The following IL1RAPL2 variants were observed in gnomAD, a reference collection of about 807,000 sequenced individuals.
IL1RAPL2 encodes interleukin 1 receptor accessory protein like 2, also known as X-linked interleukin-1 receptor accessory protein-like 2.
IL1RAPL2 carries 3 observed loss-of-function variants against 44.1 expected under a neutral mutation model. That is an observed-to-expected ratio of 0.07 (90% confidence interval 0.03 to 0.18). IL1RAPL2 has a LOEUF of 0.18. Ranked by LOEUF, IL1RAPL2 falls within the 10% of genes least tolerant of loss-of-function variation. The pLI, the probability that IL1RAPL2 is intolerant of heterozygous loss-of-function variation, is 1.00. For missense variants in IL1RAPL2, 391 were observed against 496.4 expected (o/e 0.79, Z 2.02); for synonymous variants, 181 against 178.8 (o/e 1.01, Z -0.10).
chrX:105,133,294 T>C (rs1219785326), intron 2 of IL1RAPL2, among the ~76,000 whole-genome samples: 4 of 112,178 alleles, frequency 3.6e-5, no homozygotes, highest in Non-Finnish European at 7.5e-5. Flanking sequence ...CTATGGTTGA[T>C]AGCACCTTAG....
At chrX:105,027,914 T>G (rs2031403407) in intron 2 of IL1RAPL2, among the ~76,000 whole-genome samples, 1 of 111,690 alleles carries the variant, frequency 9.0e-6, no homozygotes, top group Non-Finnish European at 1.9e-5. Context: ...ATAGCTAAGA[T>G]TTGGAAACAA....
At chrX:105,648,245 C>G (rs910259165) in intron 6 of IL1RAPL2, among the ~76,000 whole-genome samples, 4 of 111,190 alleles carry the variant, frequency 3.6e-5, no homozygotes, top group Non-Finnish European at 7.5e-5. Flanking sequence ...AAAAGGGAAT[C>G]AGGAATTTTT....
intron 5 of IL1RAPL2, among the ~76,000 whole-genome samples, chrX:105,410,834 A>G (rs745939664): frequency 1.8e-5 from 2 of 111,672 alleles, no homozygotes; most frequent in African/African-American, 6.5e-5. Flanking sequence ...GTGAAAGTAT[A>G]AAACCCATCA....
In IL1RAPL2 at chrX:104,610,003, G is replaced by C. The variant is rs947303788; in HGVS notation, c.-20+42952G>C. Among the ~76,000 whole-genome samples, 22 of 112,089 alleles carry C rather than the reference G, an allele frequency of 2.0e-4. No homozygotes were observed. In the Admixed American group the frequency reaches 2.0e-3, roughly 10 times the overall value. On this transcript the variant is annotated intron_variant, in intron 1 of 10. Coordinates refer to ENST00000372582, the MANE Select transcript of IL1RAPL2 (RefSeq NM_017416.2). ...CTTTGTGGATTTATCTACCTTTGGT[G>C]TTTGATGTTGGTGACCTACGGATGG... is the stretch of plus-strand genomic sequence containing the variant.
intron 2 of IL1RAPL2, among the ~76,000 whole-genome samples, chrX:105,005,186 C>T (rs1356800794): frequency 1.8e-5 from 2 of 111,302 alleles, no homozygotes; most frequent in Non-Finnish European, 3.8e-5. Context: ...AATATTGACT[C>T]TCCAACTAGA....
intron 6 of IL1RAPL2, among the ~76,000 whole-genome samples, chrX:105,583,887 C>G (rs748535985): frequency 8.9e-6 from 1 of 111,991 alleles, no homozygotes; most frequent in South Asian, 3.7e-4. Context: ...AAATTTCACT[C>G]TAAGTACTGC....
At chrX:105,184,784 G>A (rs1308865452) in intron 2 of IL1RAPL2, among the ~76,000 whole-genome samples, 2 of 109,515 alleles carry the variant, frequency 1.8e-5, no homozygotes, top group Non-Finnish European at 3.8e-5. Context: ...ACCTAAATTT[G>A]AAAAAAAATG....
chrX:104,659,298 A>G (rs1281338729), intron 2 of IL1RAPL2, among the ~76,000 whole-genome samples: 1 of 111,983 alleles, frequency 8.9e-6, no homozygotes, highest in Non-Finnish European at 1.9e-5. Flanking sequence ...AAACATTTAC[A>G]AATGAGAAGG....
At chrX:104,821,224 AT>A (rs751662054) in intron 2 of IL1RAPL2, among the ~76,000 whole-genome samples, 2 of 111,277 alleles carry the variant, frequency 1.8e-5, no homozygotes, top group East Asian at 5.6e-4. Flanking sequence ...ATTTTTGTCT[AT>A]TTGCTTGTAA....
At chrX:105,037,875 C>G (rs2031656314) in intron 2 of IL1RAPL2, among the ~76,000 whole-genome samples, 1 of 111,678 alleles carries the variant, frequency 9.0e-6, no homozygotes, top group Admixed American at 9.6e-5. Context: ...CATTTCCACA[C>G]CTCTAACTGA....
intron 2 of IL1RAPL2, among the ~76,000 whole-genome samples, chrX:104,921,555 A>G (rs1269404974): frequency 8.9e-6 from 1 of 112,339 alleles, no homozygotes; most frequent in Non-Finnish European, 1.9e-5. Flanking sequence ...GGGCCAGTGA[A>G]CAAATCCGCT....
chrX:105,305,323 C>G (rs909082942), intron 5 of IL1RAPL2, among the ~76,000 whole-genome samples: 2 of 110,729 alleles, frequency 1.8e-5, no homozygotes, highest in African/African-American at 6.7e-5. Context: ...GAGGATAGAT[C>G]TCATCTTAGG....
chrX:105,077,333 G>T (rs2032323434), intron 2 of IL1RAPL2, among the ~76,000 whole-genome samples: 1 of 111,528 alleles, frequency 9.0e-6, no homozygotes, highest in South Asian at 3.7e-4. Context: ...GACATTCTGG[G>T]TTGAAAATTC....
In IL1RAPL2 at chrX:105,075,910, G is replaced by A. The variant is rs192679974; in HGVS notation, c.83-119565G>A. Among the ~76,000 whole-genome samples, 537 of 111,411 alleles carry A rather than the reference G, an allele frequency of 4.8e-3. 2 individuals are homozygous for A. The highest frequency in any genetic ancestry group is 8.5e-3 in the Non-Finnish European group (450 of 53,041). ...GATATCCCGTTTGTCATTTTTCATC[G>A]TGTCTATTTGATTCTTCTCTCTTTT... On this transcript the variant is annotated intron_variant, in intron 2 of 10. Transcript: ENST00000372582.
chrX:105,133,200 C>G (rs746561320), intron 2 of IL1RAPL2, among the ~76,000 whole-genome samples: 1 of 111,600 alleles, frequency 9.0e-6, no homozygotes, highest in Non-Finnish European at 1.9e-5. Context: ...GTAAATATAA[C>G]CTCTGAATCA....
intron 2 of IL1RAPL2, among the ~76,000 whole-genome samples, chrX:104,813,864 A>T (rs899614605): frequency 1.4e-4 from 16 of 111,470 alleles, no homozygotes; most frequent in Non-Finnish European, 2.8e-4. Flanking sequence ...GCATTTGGGG[A>T]GTTATTAGGC....
At chrX:105,281,820 A>G (rs2034535103) in intron 5 of IL1RAPL2, among the ~76,000 whole-genome samples, 1 of 111,590 alleles carries the variant, frequency 9.0e-6, no homozygotes, top group African/African-American at 3.3e-5. Context: ...ATTGTTAAGC[A>G]ATTCATGACT....
At chrX:105,029,549 G>A (rs2031443898) in intron 2 of IL1RAPL2, among the ~76,000 whole-genome samples, 1 of 107,224 alleles carries the variant, frequency 9.3e-6, no homozygotes, top group South Asian at 4.2e-4. Context: ...ATGGTTTCCA[G>A]TTTCATCCAT....
chrX:104,726,415 A>C (rs1357856322), intron 2 of IL1RAPL2, among the ~76,000 whole-genome samples: 2 of 111,509 alleles, frequency 1.8e-5, no homozygotes, highest in East Asian at 5.7e-4. Flanking sequence ...TAATTCTGTG[A>C]AGAAAGTCAG....
Sources: gnomAD v4.1 joint callset for allele counts (sites outside exome capture counted in the v4.1 genomes callset) on GRCh38, gnomAD v4.1.1 for gene constraint, MANE v1.5 for transcripts, NCBI Gene and HGNC (gene_info 2026-07-23, HGNC 2026-07-21) for gene names.